Variants in PROM1 observed in about 807,000 individuals in gnomAD.
The protein encoded by PROM1 is prominin 1, also known as prominin-1.
In PROM1, 105 loss-of-function variants were observed where a neutral mutation model predicts 116.9. The ratio of observed to expected loss-of-function variants is 0.90; its 90% CI spans 0.77 to 1.06. PROM1 has a LOEUF of 1.06. Among genes scored for constraint, PROM1 ranks in the 50% least tolerant of loss-of-function variants. The pLI, the probability that PROM1 is intolerant of heterozygous loss-of-function variation, is 0.00. For missense variants in PROM1, 1,122 were observed against 1,045.2 expected, an observed-to-expected ratio of 1.07 and a Z score of -1.01; for synonymous variants, 393 against 387.0, an observed-to-expected ratio of 1.02 and a Z score of -0.18.
intron 5 of PROM1, among the ~76,000 whole-genome samples, chr4:16,030,292 T>A (rs1732345296): frequency 6.6e-6 from 1 of 152,230 alleles, no homozygotes; most frequent in South Asian, 2.1e-4. Flanking sequence ...AGCCTATTTA[T>A]AATTTATACA....
chr4:16,049,730 TAA>T (rs1025967095), intron 2 of PROM1, among the ~76,000 whole-genome samples: 3 of 151,172 alleles, frequency 2.0e-5, no homozygotes, highest in East Asian at 3.9e-4. Flanking sequence ...TATATATATA[TAA>T]GATATGTATA....
chr4:15,988,403 C>G lies in PROM1; in HGVS notation c.2077-687G>C, dbSNP rs549411865. Among the ~76,000 whole-genome samples the G allele has an allele frequency of 6.0e-4, 92 of 152,322 alleles. 1 individual carries two copies. The highest frequency in any genetic ancestry group is 2.1e-3 in the African/African-American group (88 of 41,570). ...GTTGACAAACTTTATCTGTAAAACA[C>G]CAGAGTAAACACTTTAGGTTTTATC... On this transcript the variant is annotated intron_variant, in intron 19 of 27. Transcript: ENST00000447510.
chr4:16,022,931 G>A (rs1035290435), intron 8 of PROM1, among the ~76,000 whole-genome samples: 16 of 152,214 alleles, frequency 1.1e-4, no homozygotes, highest in African/African-American at 3.9e-4. Flanking sequence ...TTCTATAAAA[G>A]GCCAGATAGA....
intron 2 of PROM1, 72 bp from the exon 3 acceptor site, chr4:16,039,073 T>C: frequency 8.0e-7 from 1 of 1,250,718 alleles, no homozygotes; most frequent in Non-Finnish European, 1.1e-6. Flanking sequence ...TAGAAAAAGA[T>C]CTTTATATGC....
In PROM1 at chr4:16,015,102, T is replaced by C. The variant is rs997941494; in HGVS notation, c.1077+1064A>G. Among the ~76,000 whole-genome samples the C allele has an allele frequency of 2.0e-5, 3 of 152,272 alleles. No homozygotes were observed. The East Asian group carries it at 5.8e-4, about 29-fold the overall frequency. On this transcript the variant is annotated intron_variant, in intron 10 of 27. Transcript: ENST00000447510. ...GGCTCATGCCTGTAATCCCAGCACT[T>C]TGGGAGGCCGAGGCGGGTGGGTCAC...
chr4:16,001,877 T>A, intron 13 of PROM1, among the ~76,000 whole-genome samples: 1 of 151,552 alleles, frequency 6.6e-6, no homozygotes, highest in East Asian at 1.9e-4. Flanking sequence ...AAGTATTGAG[T>A]GAAAGTCAAG....
chr4:16,023,162 C>T (rs886500380), intron 8 of PROM1, among the ~76,000 whole-genome samples, 164 bp downstream of exon 8: 4 of 152,168 alleles, frequency 2.6e-5, no homozygotes, highest in African/African-American at 9.7e-5. Flanking sequence ...AAGAGCACCA[C>T]CAAGCTATTG....
At chr4:16,081,269 T>C (rs965718099) in intron 1 of PROM1, among the ~76,000 whole-genome samples, 3 of 152,130 alleles carry the variant, frequency 2.0e-5, no homozygotes, top group South Asian at 2.1e-4. Context: ...TGTGTCCAAG[T>C]GTTTTCATTG....
intron 8 of PROM1, among the ~76,000 whole-genome samples, chr4:16,023,067 C>T (rs934008423): frequency 3.4e-5 from 5 of 147,420 alleles, no homozygotes; most frequent in Non-Finnish European, 3.0e-5. Flanking sequence ...TCCGATAAAA[C>T]TGTGTTTAAA....
chr4:16,039,081 T>C, intron 2 of PROM1, 80 bp from the exon 3 acceptor site: 1 of 1,173,986 alleles, frequency 8.5e-7, no homozygotes, highest in Non-Finnish European at 1.1e-6. Flanking sequence ...GATCTTTATA[T>C]GCTTAAAAAT....
intron 23 of PROM1, 130 bp downstream of exon 23, chr4:15,984,126 ACACTGAT>A (rs1718670842): frequency 1.4e-6 from 1 of 735,314 alleles, no homozygotes; most frequent in Non-Finnish European, 2.2e-6. Context: ...GCATCTCAAT[ACACTGAT>A]CAAAATATTA....
At chr4:16,029,646 T>C (rs1247570038) in intron 5 of PROM1, among the ~76,000 whole-genome samples, 1 of 152,136 alleles carries the variant, frequency 6.6e-6, no homozygotes, top group East Asian at 1.9e-4. Context: ...TTAACACCTA[T>C]GTCTTCCCTT....
chr4:16,015,550 C>T (rs1248850387), intron 10 of PROM1, among the ~76,000 whole-genome samples: 2 of 149,498 alleles, frequency 1.3e-5, no homozygotes, highest in Non-Finnish European at 3.0e-5. Flanking sequence ...CTCAGCCAGG[C>T]ATGTTGGCGC....
chr4:15,997,219 C>CATAT (rs559149707), intron 15 of PROM1, among the ~76,000 whole-genome samples: 124 of 145,318 alleles, frequency 8.5e-4, no homozygotes, highest in Non-Finnish European at 1.0e-3. Context: ...TTCAATGAAA[C>CATAT]ATATATATAT....
chr4:16,082,881 G>A (rs988251880), intron 1 of PROM1, among the ~76,000 whole-genome samples: 18 of 152,190 alleles, frequency 1.2e-4, no homozygotes, highest in African/African-American at 4.1e-4. Flanking sequence ...GAAGCTCCTG[G>A]TCTGTCCACG....
intron 2 of PROM1, among the ~76,000 whole-genome samples, chr4:16,060,460 C>T (rs962451657): frequency 2.0e-5 from 3 of 152,050 alleles, no homozygotes; most frequent in Non-Finnish European, 2.9e-5. Context: ...ACTACAGGCA[C>T]GTGCTACCAC....
intron 2 of PROM1, among the ~76,000 whole-genome samples, chr4:16,042,418 A>T (rs1169449918): frequency 2.0e-5 from 3 of 152,212 alleles, no homozygotes; most frequent in African/African-American, 7.2e-5. Flanking sequence ...GCGTGGAAAA[A>T]GATCCATTCA....
chr4:15,992,235 A>G lies in PROM1; in HGVS notation c.1911+13T>C. ...TTCTCCTAAAGGATCAAGCATGAAC[A>G]CATGCGCCATACCTGAGCCAAGTAG... On this transcript the variant is annotated intron_variant, in intron 17 of 27. Transcript: ENST00000447510. 3 of 1,613,470 alleles carry G rather than the reference A, an allele frequency of 1.9e-6. No individual in the cohort carries two copies. The highest frequency in any genetic ancestry group is 2.5e-6 in the Non-Finnish European group (3 of 1,179,728).
At chr4:16,005,609 C>A (rs1247258280) in intron 13 of PROM1, among the ~76,000 whole-genome samples, 1 of 152,076 alleles carries the variant, frequency 6.6e-6, no homozygotes, top group Non-Finnish European at 1.5e-5. Flanking sequence ...AGCATCTGCT[C>A]TCCAGCCCGC....
Sources: gnomAD v4.1 joint callset for allele counts (sites outside exome capture counted in the v4.1 genomes callset) on GRCh38, gnomAD v4.1.1 for gene constraint, MANE v1.5 for transcripts, NCBI Gene and HGNC (gene_info 2026-07-23, HGNC 2026-07-21) for gene names.